The following SARAF variants were observed in gnomAD, a reference collection of about 807,000 sequenced individuals.
SARAF encodes the protein store-operated calcium entry associated regulatory factor, also known as store-operated calcium entry-associated regulatory factor.
In SARAF, 23 loss-of-function variants were observed where a neutral mutation model predicts 39.7. The observed-to-expected ratio is 0.58, with a 90% CI of 0.42 to 0.82. The LOEUF is 0.82. Among genes scored for constraint, SARAF ranks in the 40% least tolerant of loss-of-function variants. SARAF has a pLI of 0.00. For synonymous variants in SARAF, 175 were observed against 168.5 expected, an observed-to-expected ratio of 1.04 and a Z score of -0.30; for missense variants, 384 against 418.5, an observed-to-expected ratio of 0.92 and a Z score of 0.72.
intron 3 of SARAF, among the ~76,000 whole-genome samples, chr8:30,069,234 G>A (rs2117426097): frequency 1.4e-5 from 2 of 147,326 alleles, no homozygotes; most frequent in African/African-American, 5.1e-5. Flanking sequence ...CCACCTCCCG[G>A]GTTCAAGTGA....
In SARAF at chr8:30,073,879, G is replaced by A. The variant is rs1451341920; in HGVS notation, c.280C>T (p.Gln94Ter). 6.2e-7 allele frequency: 1 copy of A among 1,613,702 alleles called. No homozygotes were observed. Among genetic ancestry groups the A allele is most frequent in the Non-Finnish European group, 8.5e-7 (1 of 1,179,632 alleles). Reference sequence around the variant, plus strand: ...GCCATTACTGTAGTGGATATTACCTGTACATCATACCCATCCCAGCCTTTG... The same window carrying A: ...GCCATTACTGTAGTGGATATTACCTATACATCATACCCATCCCAGCCTTTG... ...QNKGWDGYDV[Q>*]WECKTDLDIA... The change falls in exon 2 of 6, where the codon CAG becomes TAG. Residue 94 changes from glutamine (Q) to a stop codon, truncating the protein, a stop_gained and splice_region_variant. Transcript: ENST00000256255. LOFTEE classifies it high-confidence loss of function.
At chr8:30,066,454 T>C (rs1368146236) in intron 4 of SARAF, among the ~76,000 whole-genome samples, 2 of 152,330 alleles carry the variant, frequency 1.3e-5, no homozygotes, top group Non-Finnish European at 2.9e-5. Context: ...CTTATTTTTA[T>C]CATTCTCCTA....
chr8:30,067,998 G>A (rs9649896), intron 3 of SARAF, among the ~76,000 whole-genome samples: 9,020 of 152,136 alleles, frequency 0.059, 289 homozygotes, highest in Middle Eastern at 0.088. Flanking sequence ...TCTTTTTAAT[G>A]TTAGCCATTA....
chr8:30,074,108 G>A, intron 1 of SARAF, 53 bp from the exon 2 acceptor site: 1 of 1,573,774 alleles, frequency 6.4e-7, no homozygotes, highest in South Asian at 1.2e-5. Context: ...GTCAGAGAAA[G>A]AAAGGTTCAT....
chr8:30,064,123 TG>T (rs1011699972), intron 5 of SARAF, among the ~76,000 whole-genome samples: 3 of 152,138 alleles, frequency 2.0e-5, no homozygotes, highest in African/African-American at 7.2e-5. Context: ...CACTCACACA[TG>T]GTTGCTGGGA....
chr8:30,077,724 C>T (rs903709036), intron 1 of SARAF, among the ~76,000 whole-genome samples: 9 of 151,604 alleles, frequency 5.9e-5, no homozygotes, highest in Non-Finnish European at 1.2e-4. Context: ...ATTGCTTAAA[C>T]CCAGGAAGCA....
chr8:30,069,811 A>C lies in SARAF; in HGVS notation c.531T>G (p.Ile177Met), dbSNP rs1801789778. The stretch of plus-strand genomic sequence containing the variant: ...CGATCCCAAGGAGTACCACAATGGT[A>C]ATCAATCCACTCATGTTACAGGAAT... ...SADSCNMSGL[I>M]TIVVLLGIAF... Residue 177 changes from isoleucine to methionine, a missense_variant, in exon 3 of 6, where the codon ATT becomes ATG. Ile to Met is a conservative substitution (Grantham distance 10, BLOSUM62 1). Transcript: ENST00000256255. The C allele has an allele frequency of 1.2e-6, 2 of 1,614,154 alleles. No homozygotes were observed. The highest frequency in any genetic ancestry group is 3.3e-5 in the Admixed American group (2 of 60,032).
intron 1 of SARAF, among the ~76,000 whole-genome samples, chr8:30,077,471 C>A (rs764288772): frequency 6.6e-6 from 1 of 151,500 alleles, no homozygotes; most frequent in Non-Finnish European, 1.5e-5. Context: ...TAAATACATA[C>A]ATACGACAGA....
rs763070695 is a variant in SARAF, at chr8:30,069,661, G to A, written c.681C>T (p.Gly227=). ...ACATACCTGTGAACTCAGACTTAAA[G>A]CCTGGGGGAGGAGGTCCTGCTGAGT... ...FTNSAGPPPP[G]FKSEFTGPQN... is the part of the protein sequence containing the mutation. The change falls in exon 3 of 6, where the codon GGC becomes GGT. Residue 227 remains glycine, a synonymous_variant. Transcript: ENST00000256255. The A allele has an allele frequency of 6.2e-7, 1 of 1,614,116 alleles. No individual in the cohort carries two copies. The highest frequency in any genetic ancestry group is 2.2e-5 in the East Asian group (1 of 44,880).
Position 30,073,887 on chromosome 8 carries a change from T to C in SARAF, c.272A>G (p.Tyr91Cys), listed in dbSNP as rs200401700. 40 of 1,614,066 alleles carry C rather than the reference T, an allele frequency of 2.5e-5. No individual in the cohort carries two copies. The highest frequency in any genetic ancestry group is 3.2e-5 in the Non-Finnish European group (38 of 1,180,028). The change falls in exon 2 of 6, where the codon TAT (tyrosine) becomes TGT (cysteine). Residue 91 changes from tyrosine to cysteine, a missense_variant. Transcript: ENST00000256255. Reference protein sequence around the residue: ...IQCQNKGWDGYDVQWECKTDL... With the variant: ...IQCQNKGWDGCDVQWECKTDL... ...TGTAGTGGATATTACCTGTACATCATACCCATCCCAGCCTTTGTTCTGACA... is the reference window on the plus strand; with the variant it reads ...TGTAGTGGATATTACCTGTACATCACACCCATCCCAGCCTTTGTTCTGACA...
In SARAF at chr8:30,082,870, G is replaced by A. The variant is rs752734163; in HGVS notation, c.80C>T (p.Pro27Leu). Residue 27 changes from proline (P) to leucine (L), a missense_variant, in exon 1 of 6, where the codon CCT becomes CTT. Pro to Leu is a moderately conservative substitution (Grantham distance 98, BLOSUM62 -3). Transcript: ENST00000256255. ...ACCAGGGTCGTTCCAGCCCAGGGCAGGGCCCGCGGTCAGCAGAAACAAATG... is the reference window on the plus strand; with the variant it reads ...ACCAGGGTCGTTCCAGCCCAGGGCAAGGCCCGCGGTCAGCAGAAACAAATG... ...GLHLFLLTAGPALGWNDPDRM... is the reference protein window; with the variant it reads ...GLHLFLLTAGLALGWNDPDRM... 1 of 1,556,318 alleles carries A rather than the reference G, an allele frequency of 6.4e-7. No homozygotes were observed. Among genetic ancestry groups the A allele is most frequent in the Non-Finnish European group, 8.7e-7 (1 of 1,152,560 alleles).
chr8:30,077,143 A>C (rs1801985853), intron 1 of SARAF, among the ~76,000 whole-genome samples: 1 of 152,220 alleles, frequency 6.6e-6, no homozygotes, highest in Non-Finnish European at 1.5e-5. Context: ...GAAATTAAAA[A>C]CAGGACAGCC....
intron 5 of SARAF, among the ~76,000 whole-genome samples, chr8:30,064,550 TATATATATA>T (rs1324048941): frequency 3.5e-4 from 14 of 39,934 alleles, no homozygotes; most frequent in East Asian, 1.0e-3. Flanking sequence ...TATATATATA[TATATATATA>T]TATTTTTTTT....
upstream of SARAF, chr8:30,083,146 G>A (rs1057129565): frequency 3.3e-5 from 16 of 488,606 alleles, no homozygotes; most frequent in Non-Finnish European, 5.8e-5. Context: ...GGCTCAGTGA[G>A]TGGCCGCCGT....
intron 3 of SARAF, among the ~76,000 whole-genome samples, chr8:30,068,225 T>A (rs1193224463): frequency 6.6e-6 from 1 of 152,144 alleles, no homozygotes; most frequent in Non-Finnish European, 1.5e-5. Context: ...TTAAAGCCAC[T>A]CCCCCATCAC....
chr8:30,079,899 T>C (rs576511667), intron 1 of SARAF, among the ~76,000 whole-genome samples: 1 of 152,296 alleles, frequency 6.6e-6, no homozygotes, highest in South Asian at 2.1e-4. Context: ...CCCCACTAGT[T>C]AGATCAGTCA....
intron 1 of SARAF, among the ~76,000 whole-genome samples, chr8:30,076,848 T>G (rs1469397555): frequency 6.6e-6 from 1 of 152,120 alleles, no homozygotes; most frequent in Non-Finnish European, 1.5e-5. Context: ...ATTGAACTTC[T>G]CAGCCTCCAG....
At chr8:30,078,751 AC>A (rs1317053741) in intron 1 of SARAF, among the ~76,000 whole-genome samples, 2 of 152,226 alleles carry the variant, frequency 1.3e-5, no homozygotes, top group Non-Finnish European at 2.9e-5. Flanking sequence ...TATACTTCCA[AC>A]CAGGAACCCA....
chr8:30,075,022 T>C (rs1801925345), intron 1 of SARAF, among the ~76,000 whole-genome samples: 1 of 152,166 alleles, frequency 6.6e-6, no homozygotes, highest in Non-Finnish European at 1.5e-5. Context: ...ATTTTTAGGT[T>C]GGGTGTGGTG....
Sources: allele counts gnomAD v4.1 joint callset (sites outside exome capture counted in the v4.1 genomes callset), GRCh38; gene constraint gnomAD v4.1.1; transcripts MANE v1.5; gene names NCBI Gene and HGNC (gene_info 2026-07-23, HGNC 2026-07-21).